Variants in ADGRA1 observed in about 807,000 individuals in gnomAD.
ADGRA1 encodes the protein adhesion G protein-coupled receptor A1.
Under a neutral mutation model 21.3 loss-of-function variants are expected in ADGRA1, and 12 were observed. That is an observed-to-expected ratio of 0.56 (90% CI 0.36 to 0.91). The LOEUF (loss-of-function observed/expected upper bound fraction) is 0.91. Among genes scored for constraint, ADGRA1 ranks in the 40% least tolerant of loss-of-function variants. The pLI, the probability that ADGRA1 is intolerant of heterozygous loss-of-function variation, is 0.01. For missense variants in ADGRA1, 790 were observed against 805.6 expected (o/e 0.98, Z 0.23); for synonymous variants, 385 against 368.8 (o/e 1.04, Z -0.50).
At chr10:133,111,223 A>C (rs1591178771) in intron 5 of ADGRA1, among the ~76,000 whole-genome samples, 1 of 123,408 alleles carries the variant, frequency 8.1e-6, no homozygotes, top group African/African-American at 3.8e-5. Flanking sequence ...CACCACAGGC[A>C]CCTCCCTCCT....
rs1009183481 is a variant in ADGRA1, at chr10:133,130,497, C to T, written c.*986C>T. On this transcript the variant is annotated 3_prime_UTR_variant, in exon 7 of 7. Coordinates refer to ENST00000392607, the MANE Select transcript of ADGRA1 (RefSeq NM_001083909.3). ...TGAACATCTGGGTACCAAGCCCTGA[C>T]TCAAAGGACAGATGTGGATGACAGC... The T allele has an allele frequency of 1.1e-4, 17 of 152,242 alleles. No individual in the cohort carries two copies. Among genetic ancestry groups the T allele is most frequent in the African/African-American group, 4.1e-4 (17 of 41,448 alleles). 9.4% of individuals were successfully genotyped at this position (152,242 alleles called of 1,614,324 possible). A position where few individuals can be genotyped will look rare whatever the true frequency, so the allele number is the denominator to read the frequency against.
At chr10:133,122,770 G>T (rs549085954) in intron 5 of ADGRA1, among the ~76,000 whole-genome samples, 14 of 151,354 alleles carry the variant, frequency 9.2e-5, no homozygotes, top group African/African-American at 3.2e-4. Context: ...CTGGCCCTGG[G>T]GCCTCCTTGT....
At chr10:133,108,999 C>A (rs1417361513) in intron 5 of ADGRA1, among the ~76,000 whole-genome samples, 1 of 150,468 alleles carries the variant, frequency 6.6e-6, no homozygotes, top group Non-Finnish European at 1.5e-5. Flanking sequence ...CCCAGCTCCA[C>A]CCGTCCATCA....
chr10:133,114,857 G>A (rs1852127755), intron 5 of ADGRA1, among the ~76,000 whole-genome samples: 1 of 152,206 alleles, frequency 6.6e-6, no homozygotes, highest in Admixed American at 6.5e-5. Context: ...CTGCGCCCCT[G>A]CACCACCAAT....
intron 2 of ADGRA1, among the ~76,000 whole-genome samples, chr10:133,092,427 A>T (rs2135863291): frequency 6.6e-6 from 1 of 152,230 alleles, no homozygotes; most frequent in South Asian, 2.1e-4. Flanking sequence ...TCAAAACTTC[A>T]CTAGCCCATC....
intron 5 of ADGRA1, among the ~76,000 whole-genome samples, chr10:133,112,814 G>C (rs995026379): frequency 7.3e-6 from 1 of 136,462 alleles, no homozygotes; most frequent in Non-Finnish European, 1.6e-5. Flanking sequence ...GTGTTGGTTC[G>C]GTTATTTGGG....
intron 5 of ADGRA1, among the ~76,000 whole-genome samples, chr10:133,107,169 G>A (rs916657892): frequency 2.6e-5 from 4 of 152,172 alleles, no homozygotes; most frequent in South Asian, 2.1e-4. Context: ...AAACACAACC[G>A]ATTTCTGTGT....
chr10:133,112,127 C>A (rs1456158511), intron 5 of ADGRA1, among the ~76,000 whole-genome samples: 3 of 152,174 alleles, frequency 2.0e-5, no homozygotes, highest in Non-Finnish European at 2.9e-5. Flanking sequence ...ACAGAACTTT[C>A]CACATTTTCT....
At chr10:133,119,327 G>T (rs2135901605) in intron 5 of ADGRA1, among the ~76,000 whole-genome samples, 2 of 152,212 alleles carry the variant, frequency 1.3e-5, no homozygotes, top group Middle Eastern at 3.4e-3. Context: ...GGGTCTCACT[G>T]CGATGTGGAT....
chr10:133,114,425 C>G (rs977799461), intron 5 of ADGRA1, among the ~76,000 whole-genome samples: 3 of 152,204 alleles, frequency 2.0e-5, no homozygotes, highest in African/African-American at 7.2e-5. Context: ...ACGAAGCGTC[C>G]TCAGCTCATG....
intron 5 of ADGRA1, among the ~76,000 whole-genome samples, chr10:133,110,161 G>A (rs1487007748): frequency 6.6e-6 from 1 of 152,220 alleles, no homozygotes; most frequent in Middle Eastern, 3.2e-3. Context: ...CCTGTCCTGG[G>A]AGACGGCAGG....
At chr10:133,093,349 C>T in intron 2 of ADGRA1, 2 of 1,453,098 alleles carry the variant, frequency 1.4e-6, no homozygotes, top group South Asian at 1.3e-5. Flanking sequence ...ACACCCTGAC[C>T]CACTTGATTT....
At chr10:133,121,453 GGA>G (rs1311994877) in intron 5 of ADGRA1, among the ~76,000 whole-genome samples, 6 of 151,302 alleles carry the variant, frequency 4.0e-5, no homozygotes, top group South Asian at 4.2e-4. Flanking sequence ...GCGTGTGCGT[GGA>G]GTGTGTCAGT....
At chr10:133,112,315 G>A (rs968340625) in intron 5 of ADGRA1, among the ~76,000 whole-genome samples, 4 of 151,986 alleles carry the variant, frequency 2.6e-5, no homozygotes, top group Admixed American at 2.6e-4. Flanking sequence ...GGGTCTGCGG[G>A]CCGCATCGGT....
At chr10:133,091,656 G>A (rs1851597320) in intron 2 of ADGRA1, among the ~76,000 whole-genome samples, 1 of 152,236 alleles carries the variant, frequency 6.6e-6, no homozygotes, top group African/African-American at 2.4e-5. Context: ...GGTCATCAGA[G>A]GCGCTGTTTG....
intron 2 of ADGRA1, among the ~76,000 whole-genome samples, chr10:133,096,513 G>A (rs1351028947): frequency 1.3e-5 from 2 of 152,242 alleles, no homozygotes; most frequent in African/African-American, 2.4e-5. Context: ...CCTCCCGGAA[G>A]ATGTTGACAA....
rs9419003 is a variant in ADGRA1 at position 133,100,454 on chromosome 10, C to T, written c.255+1691C>T. Among the ~76,000 whole-genome samples the T allele has an allele frequency of 9.6e-3, 1,455 of 152,348 alleles. 23 individuals are homozygous for T. Among genetic ancestry groups the T allele is most frequent in the African/African-American group, 0.033 (1,381 of 41,586 alleles). On this transcript the variant is annotated intron_variant, in intron 4 of 6. Transcript: ENST00000392607. ...CCCCCCGAGGGCCTTCAGCAAACCC[C>T]GCCCGCGCCTTCGGGAACACCTGCC...
chr10:133,121,938 T>C (rs1439716102), intron 5 of ADGRA1, among the ~76,000 whole-genome samples: 1 of 150,244 alleles, frequency 6.7e-6, no homozygotes, highest in Non-Finnish European at 1.5e-5. Flanking sequence ...TGCCAGTGTG[T>C]GTGTGAGTGT....
rs758626989 is a variant in ADGRA1 at position 133,128,566 on chromosome 10, G to A, written c.738G>A (p.Leu246=). ...ACGATGCCCCCGGCGCCTCCGTGCT[G>A]CAGAACGAGCACTCATTCCAGGCAC... ...PAHDAPGASV[L]QNEHSFQAQL... is the part of the protein sequence containing the mutation. The change falls in exon 7 of 7, where the codon CTG becomes CTA. Residue 246 remains leucine (L), a synonymous_variant. Coordinates refer to ENST00000392607, the MANE Select transcript of ADGRA1 (RefSeq NM_001083909.3). 8 of 1,571,976 alleles carry A rather than the reference G, an allele frequency of 5.1e-6. No individual in the cohort carries two copies. In the Admixed American group the frequency reaches 1.1e-4, roughly 21 times the overall value.
Sources: allele counts gnomAD v4.1 joint callset (sites outside exome capture counted in the v4.1 genomes callset), GRCh38; gene constraint gnomAD v4.1.1; transcripts MANE v1.5; gene names NCBI Gene and HGNC (gene_info 2026-07-23, HGNC 2026-07-21).